The following FAM76A variants were observed in gnomAD, a reference collection of about 807,000 sequenced individuals.
The protein encoded by FAM76A is family with sequence similarity 76 member A.
Under a neutral mutation model 46.2 loss-of-function variants are expected in FAM76A, and 32 were observed. The ratio of observed to expected loss-of-function variants is 0.69; its 90% CI spans 0.52 to 0.93. The LOEUF is 0.93. FAM76A is among the 40% of genes least tolerant of loss of function. FAM76A has a pLI of 0.00. For synonymous variants in FAM76A, 137 were observed against 127.0 expected (o/e 1.08, Z -0.53); for missense variants, 274 against 361.5 (o/e 0.76, Z 1.96).
In FAM76A at chr1:27,748,776, C is replaced by G. The variant is rs61787132; in HGVS notation, c.513-292C>G. On this transcript the variant is annotated intron_variant, in intron 5 of 8. Transcript: ENST00000373954. The stretch of plus-strand genomic sequence containing the variant: ...GATTACAGGCGTGAGCCACCGCACC[C>G]GGCCTCTTATTGAAGTTTTATTGAT... Among the ~76,000 whole-genome samples the G allele has an allele frequency of 4.0e-3, 608 of 152,294 alleles. 2 individuals are homozygous for G. The highest frequency in any genetic ancestry group is 6.7e-3 in the Non-Finnish European group (458 of 68,028).
At chr1:27,755,763 C>T (rs1002144456) in intron 7 of FAM76A, among the ~76,000 whole-genome samples, 3 of 152,072 alleles carry the variant, frequency 2.0e-5, no homozygotes, top group African/African-American at 7.2e-5. Context: ...TTTGTAGAGA[C>T]ATGGTCTTAT....
chr1:27,748,937 T>A, intron 5 of FAM76A, 131 bp from the exon 6 acceptor site: 1 of 577,114 alleles, frequency 1.7e-6, no homozygotes, highest in Non-Finnish European at 3.0e-6. Flanking sequence ...GATTCTTTAT[T>A]AATCAAGAAT....
chr1:27,760,562 G>C lies in FAM76A; in HGVS notation c.905G>C (p.Gly302Ala). 1 of 1,612,022 alleles carries C rather than the reference G, an allele frequency of 6.2e-7. No individual in the cohort carries two copies. The highest frequency in any genetic ancestry group is 8.5e-7 in the Non-Finnish European group (1 of 1,178,836). ...AAGAGCAAGAAGTCAGAGAAGTCAG[G>C]AGCTATAACCTCTCCATGACAGACC... Reference protein sequence around the residue: ...LSKSKKSEKSGAITSP With the variant: ...LSKSKKSEKSAAITSP The change falls in exon 9 of 9, where the codon GGA becomes GCA. Residue 302 changes from glycine to alanine, a missense_variant. Gly to Ala is a moderately conservative substitution (Grantham distance 60, BLOSUM62 0). Transcript: ENST00000373954.
intron 6 of FAM76A, among the ~76,000 whole-genome samples, chr1:27,751,679 A>G (rs148881999): frequency 2.0e-3 from 298 of 149,624 alleles, no homozygotes; most frequent in African/African-American, 7.0e-3. Context: ...TAATTTTTGT[A>G]TTTGTAGAAA....
At chr1:27,746,633 A>C (rs549123641) in intron 5 of FAM76A, among the ~76,000 whole-genome samples, 1 of 152,202 alleles carries the variant, frequency 6.6e-6, no homozygotes, top group African/African-American at 2.4e-5. Flanking sequence ...AGGCTGAGGC[A>C]GGAGAATCGC....
chr1:27,756,056 T>C (rs918993523), intron 7 of FAM76A, among the ~76,000 whole-genome samples: 13 of 152,210 alleles, frequency 8.5e-5, no homozygotes, highest in African/African-American at 2.7e-4. Flanking sequence ...GAGGTAGTTA[T>C]GTAACTGGAA....
chr1:27,733,527 A>G (rs888007185), intron 3 of FAM76A, among the ~76,000 whole-genome samples: 3 of 152,190 alleles, frequency 2.0e-5, no homozygotes, highest in Non-Finnish European at 4.4e-5. Context: ...AGTCCTGTGC[A>G]GAAAAACACT....
chr1:27,734,560 A>G (rs567227531), intron 4 of FAM76A, among the ~76,000 whole-genome samples: 3 of 151,658 alleles, frequency 2.0e-5, no homozygotes, highest in East Asian at 1.9e-4. Flanking sequence ...ACAAAAAAAC[A>G]AAAAAACACA....
intron 4 of FAM76A, among the ~76,000 whole-genome samples, chr1:27,735,429 G>A (rs2088028172): frequency 6.6e-6 from 1 of 152,188 alleles, no homozygotes; most frequent in Admixed American, 6.6e-5. Flanking sequence ...TGCTCAATAA[G>A]TATTTGTTGA....
chr1:27,727,300 A>C (rs917848156), intron 1 of FAM76A, among the ~76,000 whole-genome samples, 172 bp from the exon 2 acceptor site: 1 of 152,120 alleles, frequency 6.6e-6, no homozygotes, highest in Admixed American at 6.6e-5. Context: ...TCCCACATCA[A>C]CAGTAGGGAA....
At chr1:27,736,585 G>A (rs2148570365) in intron 4 of FAM76A, among the ~76,000 whole-genome samples, 1 of 151,924 alleles carries the variant, frequency 6.6e-6, no homozygotes, top group Non-Finnish European at 1.5e-5. Flanking sequence ...CTCAGAGGAT[G>A]CTATTTTATT....
intron 4 of FAM76A, among the ~76,000 whole-genome samples, chr1:27,735,224 C>T (rs918524011): frequency 6.6e-6 from 1 of 152,194 alleles, no homozygotes; most frequent in South Asian, 2.1e-4. Flanking sequence ...AGCTCAGGTA[C>T]CACCTGCTCA....
At chr1:27,759,780 T>TTG in intron 8 of FAM76A, 153 bp downstream of exon 8, 1 of 499,620 alleles carries the variant, frequency 2.0e-6, no homozygotes, top group Non-Finnish European at 3.4e-6. Context: ...TTTTTTTTTG[T>TTG]TTTTTTTTTG....
intron 4 of FAM76A, chr1:27,740,621 G>C: frequency 1.5e-6 from 1 of 672,952 alleles, no homozygotes; most frequent in African/African-American, 1.8e-5. Context: ...ACATTCTCTT[G>C]ATCAGTGAGA....
At chr1:27,739,821 A>T (rs1234246892) in intron 4 of FAM76A, 1 of 139,722 alleles carries the variant, frequency 7.2e-6, no homozygotes, top group Non-Finnish European at 1.2e-5. Context: ...TCATGTTAGC[A>T]ATAAATAAAT....
intron 4 of FAM76A, among the ~76,000 whole-genome samples, chr1:27,741,193 A>ATTTTTTTT (rs767134759): frequency 1.7e-5 from 2 of 116,496 alleles, no homozygotes; most frequent in African/African-American, 3.7e-5. Flanking sequence ...GGGAGATTTG[A>ATTTTTTTT]TTTTTTTTTT....
chr1:27,753,605 T>C (rs909221339), intron 6 of FAM76A, among the ~76,000 whole-genome samples: 3 of 152,230 alleles, frequency 2.0e-5, no homozygotes, highest in African/African-American at 7.2e-5. Flanking sequence ...GACAGTCTTC[T>C]CATATGCTTC....
intron 7 of FAM76A, among the ~76,000 whole-genome samples, chr1:27,757,931 C>T (rs1354636317): frequency 1.3e-5 from 2 of 150,926 alleles, no homozygotes; most frequent in Non-Finnish European, 2.9e-5. Flanking sequence ...GAGCCAAGAT[C>T]GTGCCACTGC....
intron 5 of FAM76A, among the ~76,000 whole-genome samples, chr1:27,748,574 G>C (rs866872986): frequency 1.1e-4 from 11 of 101,530 alleles, no homozygotes; most frequent in Non-Finnish European, 1.3e-4. Flanking sequence ...CTCCGCCCCC[G>C]GGGTTCAAGC....
Sources: gnomAD v4.1 joint callset for allele counts (sites outside exome capture counted in the v4.1 genomes callset) on GRCh38, gnomAD v4.1.1 for gene constraint, MANE v1.5 for transcripts, NCBI Gene and HGNC (gene_info 2026-07-23, HGNC 2026-07-21) for gene names.